Variants in FOXP2 observed in about 807,000 individuals in gnomAD.
FOXP2 encodes the protein forkhead box P2, also known as forkhead box protein P2.
In FOXP2, 12 loss-of-function variants were observed where a neutral mutation model predicts 115.8. The ratio of observed to expected loss-of-function variants is 0.10; its 90% CI spans 0.07 to 0.17. The LOEUF (loss-of-function observed/expected upper bound fraction) is 0.17, where lower values mean the gene tolerates loss of function less well. Among genes scored for constraint, FOXP2 ranks in the 10% least tolerant of loss-of-function variants. FOXP2 has a pLI of 1.00. For synonymous variants in FOXP2, 328 were observed against 297.7 expected (o/e 1.10, Z -1.05); for missense variants, 629 against 843.5 (o/e 0.75, Z 3.15).
At chr7:114,610,958 T>C in intron 3 of FOXP2, among the ~76,000 whole-genome samples, 1 of 152,146 alleles carries the variant, frequency 6.6e-6, no homozygotes, top group Admixed American at 6.5e-5. Flanking sequence ...TTCATTCTTA[T>C]ACTATTATCC....
intron 1 of FOXP2, among the ~76,000 whole-genome samples, chr7:114,253,136 A>G (rs1795499850): frequency 6.6e-6 from 1 of 152,060 alleles, no homozygotes. Flanking sequence ...TTCTAGTTTG[A>G]TTGCATTGTG....
chr7:114,289,496 TTATATAGCCTTTTG>T (rs1796542896), intron 2 of FOXP2, among the ~76,000 whole-genome samples: 1 of 151,906 alleles, frequency 6.6e-6, no homozygotes, highest in East Asian at 1.9e-4. Flanking sequence ...TACTCTATCT[TTATATAGCCTTTTG>T]ATATATAAGT....
intron 1 of FOXP2, among the ~76,000 whole-genome samples, chr7:114,103,225 TCAGGACATGGGTAGCCCATTGGCC>T (rs955356757): frequency 2.0e-5 from 3 of 152,020 alleles, no homozygotes; most frequent in Non-Finnish European, 4.4e-5. Flanking sequence ...ATTTGTTAAG[TCAGGACATGGGTAGCCCATTGGCC>T]CAGGGTGCAA....
At chr7:114,242,325 C>T (rs1021910492) in intron 1 of FOXP2, among the ~76,000 whole-genome samples, 3 of 151,930 alleles carry the variant, frequency 2.0e-5, no homozygotes, top group African/African-American at 7.3e-5. Context: ...AAGTGTGGTA[C>T]AAACATTTAG....
chr7:114,442,207 T>C (rs2129212967), intron 2 of FOXP2, among the ~76,000 whole-genome samples: 1 of 152,308 alleles, frequency 6.6e-6, no homozygotes, highest in Non-Finnish European at 1.5e-5. Flanking sequence ...AAAAACATTT[T>C]GCTAAGTGAG....
intron 2 of FOXP2, among the ~76,000 whole-genome samples, chr7:114,526,809 A>G (rs1157708628): frequency 1.3e-5 from 2 of 152,174 alleles, no homozygotes; most frequent in African/African-American, 4.8e-5. Flanking sequence ...TAATTTATGT[A>G]TCACAAAACC....
chr7:114,271,687 A>T (rs1288643452), intron 1 of FOXP2, among the ~76,000 whole-genome samples: 1 of 117,946 alleles, frequency 8.5e-6, no homozygotes, highest in Non-Finnish European at 1.6e-5. Flanking sequence ...AATTATATTT[A>T]ATAATATATT....
chr7:114,494,418 C>T (rs1797216303), intron 2 of FOXP2, among the ~76,000 whole-genome samples: 1 of 152,092 alleles, frequency 6.6e-6, no homozygotes, highest in Non-Finnish European at 1.5e-5. Context: ...ATCCTAGGCT[C>T]AAGCAATCTT....
chr7:114,441,545 G>A (rs977122289), intron 2 of FOXP2, among the ~76,000 whole-genome samples: 1 of 151,960 alleles, frequency 6.6e-6, no homozygotes. Context: ...AAATACAATA[G>A]CAGCCTTCAG....
At chr7:114,495,479 C>CT (rs1797263196) in intron 2 of FOXP2, among the ~76,000 whole-genome samples, 87 of 94,040 alleles carry the variant, frequency 9.3e-4, no homozygotes, top group African/African-American at 3.5e-3. Context: ...TTCTTTCTCT[C>CT]TCTCTTTTTT....
intron 1 of FOXP2, among the ~76,000 whole-genome samples, chr7:114,172,632 C>T (rs1350625081): frequency 2.0e-5 from 3 of 152,034 alleles, no homozygotes; most frequent in Non-Finnish European, 4.4e-5. Flanking sequence ...ACTCTCTGTA[C>T]TTTCTTCTCA....
intron 16 of FOXP2, among the ~76,000 whole-genome samples, chr7:114,680,864 T>A (rs1226387822): frequency 6.6e-6 from 1 of 152,100 alleles, no homozygotes; most frequent in African/African-American, 2.4e-5. Flanking sequence ...CTAGAGGAGA[T>A]CTTCAGATCC....
chr7:114,158,362 AT>A (rs987725103), upstream of FOXP2, among the ~76,000 whole-genome samples: 117 of 149,052 alleles, frequency 7.8e-4, 1 homozygote, highest in Admixed American at 2.8e-3. Flanking sequence ...GTTGGTATTT[AT>A]TTTTTTTTTA....
At chr7:114,157,555 A>G (rs1792703240) in intron 1 of FOXP2, among the ~76,000 whole-genome samples, 1 of 152,150 alleles carries the variant, frequency 6.6e-6, no homozygotes, top group Non-Finnish European at 1.5e-5. Flanking sequence ...TTCAATCCTA[A>G]GAATGAAAGG....
intron 2 of FOXP2, among the ~76,000 whole-genome samples, chr7:114,378,720 A>G (rs1792205289): frequency 6.7e-6 from 1 of 148,674 alleles, no homozygotes; most frequent in Non-Finnish European, 1.5e-5. Flanking sequence ...AAAAGAAAGA[A>G]AGTGAAAAAG....
At chr7:114,645,039 T>C (rs1008092750) in intron 8 of FOXP2, 18 of 332,360 alleles carry the variant, frequency 5.4e-5, no homozygotes, top group South Asian at 5.0e-4. Flanking sequence ...AATATGTCAT[T>C]AATCACTGGA....
intron 2 of FOXP2, among the ~76,000 whole-genome samples, chr7:114,530,068 T>A (rs1218285093): frequency 2.0e-5 from 3 of 151,158 alleles, no homozygotes; most frequent in Admixed American, 1.3e-4. Flanking sequence ...CTGCTGGCAA[T>A]TTTTTTTTGG....
chr7:114,440,609 C>T (rs1794556388), intron 2 of FOXP2, among the ~76,000 whole-genome samples: 1 of 152,108 alleles, frequency 6.6e-6, no homozygotes, highest in African/African-American at 2.4e-5. Flanking sequence ...TCAGAAATAT[C>T]CATAGAACAA....
chr7:114,494,794 G>A (rs774078986), intron 2 of FOXP2, among the ~76,000 whole-genome samples: 3 of 151,784 alleles, frequency 2.0e-5, no homozygotes, highest in Non-Finnish European at 2.9e-5. Context: ...AAAAAAACGC[G>A]GTAAAATTTT....
Sources: allele counts gnomAD v4.1 joint callset (sites outside exome capture counted in the v4.1 genomes callset), GRCh38; gene constraint gnomAD v4.1.1; transcripts MANE v1.5; gene names NCBI Gene and HGNC (gene_info 2026-07-23, HGNC 2026-07-21).